The following TRPC4 variants were observed in gnomAD, a reference collection of about 807,000 sequenced individuals.
TRPC4 encodes the protein short transient receptor potential channel 4.
TRPC4 carries 49 observed loss-of-function variants against 99.4 expected under a neutral mutation model. That is an observed-to-expected ratio of 0.49 (90% confidence interval 0.39 to 0.63). The LOEUF (loss-of-function observed/expected upper bound fraction) is 0.63, where lower values mean the gene tolerates loss of function less well. Ranked by LOEUF, TRPC4 falls within the 20% of genes least tolerant of loss-of-function variation. The pLI is 0.00. For missense variants in TRPC4, 898 were observed against 1,152.9 expected, an observed-to-expected ratio of 0.78 and a Z score of 3.20; for synonymous variants, 454 against 425.9, an observed-to-expected ratio of 1.07 and a Z score of -0.81.
intron 2 of TRPC4, among the ~76,000 whole-genome samples, chr13:37,779,482 A>C (rs1956784828): frequency 6.6e-6 from 1 of 151,992 alleles, no homozygotes; most frequent in African/African-American, 2.4e-5. Flanking sequence ...CTTAAATATG[A>C]AAGAAAATAT....
At chr13:37,647,602 AAG>A (rs1185213691) in intron 8 of TRPC4, among the ~76,000 whole-genome samples, 1 of 152,242 alleles carries the variant, frequency 6.6e-6, no homozygotes, top group Non-Finnish European at 1.5e-5. Flanking sequence ...CTCTGTCTCT[AAG>A]AGAGCATGAG....
At chr13:37,751,852 T>G (rs1463186120) in intron 2 of TRPC4, among the ~76,000 whole-genome samples, 2 of 151,732 alleles carry the variant, frequency 1.3e-5, no homozygotes, top group Non-Finnish European at 2.9e-5. Flanking sequence ...GTGAATCAAA[T>G]GTTCATTTAC....
intron 8 of TRPC4, among the ~76,000 whole-genome samples, chr13:37,650,447 C>T (rs562884364): frequency 1.3e-5 from 2 of 152,200 alleles, no homozygotes; most frequent in Non-Finnish European, 2.9e-5. Context: ...AAAAGCTTCA[C>T]GTGGTGTATC....
At chr13:37,687,437 A>C (rs548704882) in intron 4 of TRPC4, among the ~76,000 whole-genome samples, 148 of 152,330 alleles carry the variant, frequency 9.7e-4, no homozygotes, top group Non-Finnish European at 1.5e-3. Context: ...TTCTGAGGGA[A>C]AATTCAAACT....
chr13:37,848,714 ACCAGGGAAAT>A (rs1958977429), intron 1 of TRPC4, among the ~76,000 whole-genome samples: 1 of 152,194 alleles, frequency 6.6e-6, no homozygotes, highest in Admixed American at 6.6e-5. Context: ...CTTCAAGCAG[ACCAGGGAAAT>A]CTGTGAGAAG....
At chr13:37,670,143 C>T (rs562417783) in intron 5 of TRPC4, among the ~76,000 whole-genome samples, 1 of 151,904 alleles carries the variant, frequency 6.6e-6, no homozygotes, top group Non-Finnish European at 1.5e-5. Context: ...CATGCTGGAA[C>T]CTTGATCTCA....
intron 3 of TRPC4, among the ~76,000 whole-genome samples, chr13:37,733,586 G>T (rs908687147): frequency 6.6e-6 from 1 of 152,000 alleles, no homozygotes. Context: ...AGATAATATT[G>T]ATCTACATAT....
intron 2 of TRPC4, among the ~76,000 whole-genome samples, chr13:37,750,754 C>A (rs996764149): frequency 2.0e-5 from 3 of 151,958 alleles, no homozygotes; most frequent in Non-Finnish European, 2.9e-5. Flanking sequence ...ACCCATCAAC[C>A]CGTCATCTAC....
intron 3 of TRPC4, among the ~76,000 whole-genome samples, chr13:37,739,508 T>TC (rs1485365416): frequency 1.5e-5 from 1 of 64,848 alleles, no homozygotes; most frequent in African/African-American, 3.5e-5. Flanking sequence ...CATGAGATTT[T>TC]TTTTTTTTTT....
At chr13:37,824,114 A>G (rs1467932543) in intron 1 of TRPC4, among the ~76,000 whole-genome samples, 4 of 149,272 alleles carry the variant, frequency 2.7e-5, no homozygotes, top group African/African-American at 5.0e-5. Flanking sequence ...ATTTTTGTAC[A>G]TTGATTTTGT....
In TRPC4 at chr13:37,758,921, A is replaced by G. The variant is rs201126402; in HGVS notation, c.379-12466T>C. On this transcript the variant is annotated intron_variant, in intron 2 of 10. Coordinates refer to ENST00000379705, the MANE Select transcript of TRPC4 (RefSeq NM_016179.4). ...TATCAGAATTATGTTGATTTTTCTT[A>G]CAATAAATATATGCATTTAGTACCA... Among the ~76,000 whole-genome samples the G allele has an allele frequency of 4.6e-5, 7 of 151,668 alleles. No homozygotes were observed. The East Asian group carries it at 1.4e-3, about 29-fold the overall frequency.
chr13:37,743,581 A>G (rs899585144), intron 3 of TRPC4, among the ~76,000 whole-genome samples: 2 of 152,190 alleles, frequency 1.3e-5, no homozygotes, highest in Non-Finnish European at 1.5e-5. Context: ...TATAAGCTCT[A>G]TGAGAGCAGA....
At position 37,783,032 on chromosome 13, in the gene TRPC4, A is replaced by AAC; in HGVS notation, c.301_302insGT (p.Leu101CysfsTer17). 1 of 1,612,912 alleles carries AAC rather than the reference A, an allele frequency of 6.2e-7. No homozygotes were observed. The highest frequency in any genetic ancestry group is 8.5e-7 in the Non-Finnish European group (1 of 1,179,520). On this transcript the variant is annotated frameshift_variant, in exon 2 of 11. Coordinates refer to ENST00000379705, the MANE Select transcript of TRPC4 (RefSeq NM_016179.4). LOFTEE classifies it high-confidence loss of function. ...GACGACTTCTTTTCTGATAGCATGT[A>AAC]ATAGAGCATCTCCAACATAGACATT...
intron 8 of TRPC4, among the ~76,000 whole-genome samples, chr13:37,645,953 C>T (rs559856953): frequency 2.6e-5 from 4 of 152,280 alleles, no homozygotes; most frequent in Admixed American, 6.5e-5. Context: ...TTTAGGAATC[C>T]GGAGACACTC....
At chr13:37,777,918 C>G (rs1165746754) in intron 2 of TRPC4, among the ~76,000 whole-genome samples, 1 of 152,012 alleles carries the variant, frequency 6.6e-6, no homozygotes, top group African/African-American at 2.4e-5. Flanking sequence ...TGTCACTTCA[C>G]TTCACTCTGT....
chr13:37,648,753 C>T (rs1482241432), intron 8 of TRPC4, among the ~76,000 whole-genome samples: 1 of 152,170 alleles, frequency 6.6e-6, no homozygotes, highest in Non-Finnish European at 1.5e-5. Flanking sequence ...GAGAGCTCCT[C>T]TTTGCTTCTA....
chr13:37,662,539 T>C (rs1456985728), intron 6 of TRPC4, among the ~76,000 whole-genome samples: 1 of 152,202 alleles, frequency 6.6e-6, no homozygotes, highest in African/African-American at 2.4e-5. Flanking sequence ...ATTGACTTTT[T>C]TGTTACTTGA....
At chr13:37,868,701 A>C (rs1959944253) in intron 1 of TRPC4, among the ~76,000 whole-genome samples, 1 of 151,502 alleles carries the variant, frequency 6.6e-6, no homozygotes, top group Admixed American at 6.6e-5. Flanking sequence ...CTTGGTGCTT[A>C]CTCCTTAAGC....
At chr13:37,694,320 A>G (rs1953838111) in intron 3 of TRPC4, among the ~76,000 whole-genome samples, 1 of 152,182 alleles carries the variant, frequency 6.6e-6, no homozygotes, top group South Asian at 2.1e-4. Context: ...ACTGTAAGGG[A>G]CTAAGTACTA....
Sources: allele counts gnomAD v4.1 joint callset (sites outside exome capture counted in the v4.1 genomes callset), GRCh38; gene constraint gnomAD v4.1.1; transcripts MANE v1.5; gene names NCBI Gene and HGNC (gene_info 2026-07-23, HGNC 2026-07-21).